The following MATR3 variants were observed in gnomAD, a reference collection of about 807,000 sequenced individuals.
MATR3 encodes the protein matrin 3, also known as matrin-3.
MATR3 carries 4 observed loss-of-function variants against 85.5 expected under a neutral mutation model. The ratio of observed to expected loss-of-function variants is 0.05; its 90% CI spans 0.02 to 0.11. The LOEUF is 0.11. MATR3 is among the 10% of genes least tolerant of loss of function. MATR3 has a pLI of 1.00. For missense variants in MATR3, 685 were observed against 1,016.1 expected (o/e 0.67, Z 4.43); for synonymous variants, 336 against 343.1 (o/e 0.98, Z 0.23).
At chr5:139,325,227 T>G (rs1026388249) in intron 12 of MATR3, 2 of 1,529,648 alleles carry the variant, frequency 1.3e-6, no homozygotes, top group East Asian at 4.9e-5. Context: ...TCCGTTTCCC[T>G]TCAAGTAAAG....
chr5:139,275,190 G>A (rs899640354), intron 1 of MATR3, among the ~76,000 whole-genome samples: 3 of 138,372 alleles, frequency 2.2e-5, no homozygotes, highest in African/African-American at 8.3e-5. Context: ...GTAGAGACGG[G>A]GTTTCACCGT....
intron 2 of MATR3, among the ~76,000 whole-genome samples, chr5:139,277,173 T>C (rs562304993): frequency 1.4e-5 from 2 of 147,716 alleles, no homozygotes; most frequent in Non-Finnish European, 3.1e-5. Flanking sequence ...AAAGTCTCAT[T>C]ATGTTGCCCA....
At chr5:139,315,334 G>A in intron 3 of MATR3, 1 of 248,826 alleles carries the variant, frequency 4.0e-6, no homozygotes, top group Non-Finnish European at 7.8e-6. Flanking sequence ...CAACTCAACT[G>A]TGCTCTTGGT....
Position 139,329,457 on chromosome 5 carries a change from C to G in MATR3, c.*62C>G, listed in dbSNP as rs747792040. On this transcript the variant is annotated 3_prime_UTR_variant, in exon 15 of 15. Transcript: ENST00000394805. ...ATGGTTCTTTGTTTTTAATGTTAACCTTTTTTAAATACAATACTGATAGTT... is the reference window on the plus strand; with the variant it reads ...ATGGTTCTTTGTTTTTAATGTTAACGTTTTTTAAATACAATACTGATAGTT... The G allele has an allele frequency of 7.4e-7, 1 of 1,359,206 alleles. No homozygotes were observed. The highest frequency in any genetic ancestry group is 1.0e-6 in the Non-Finnish European group (1 of 954,070). The allele number at this position is 1,359,206 out of a possible 1,614,324, so 84.2% of individuals were successfully genotyped here.
intron 2 of MATR3, chr5:139,278,776 A>C (rs1424803549): frequency 4.0e-6 from 2 of 501,156 alleles, no homozygotes; most frequent in South Asian, 2.8e-5. Flanking sequence ...CTGTTTCAGG[A>C]ATCATCCAGC....
intron 2 of MATR3, chr5:139,313,654 T>A (rs1328358088): frequency 1.3e-5 from 2 of 152,168 alleles, no homozygotes; most frequent in Admixed American, 1.3e-4. Flanking sequence ...GAGTAAATAG[T>A]GAAAGAATGT....
rs368483920 is a variant in MATR3, at chr5:139,293,756, C to T, written c.-227C>T. ...GGGGATTGTGGGAGTCTCCGCGTCC[C>T]GCTCGCTGGGAGAGAGGTACCTCTC... is the stretch of plus-strand genomic sequence containing the variant. On this transcript the variant is annotated 5_prime_UTR_variant, in exon 1 of 15. Transcript: ENST00000394805. 2 of 383,420 alleles carry T rather than the reference C, an allele frequency of 5.2e-6. No homozygotes were observed. Among genetic ancestry groups the T allele is most frequent in the Non-Finnish European group, 9.2e-6 (2 of 216,852 alleles). 23.8% of individuals were successfully genotyped at this position (383,420 alleles called of 1,614,324 possible). A position where few individuals can be genotyped will look rare whatever the true frequency, so the allele number is the denominator to read the frequency against.
chr5:139,277,876 C>A (rs1303701871), intron 2 of MATR3, among the ~76,000 whole-genome samples: 1 of 150,484 alleles, frequency 6.6e-6, no homozygotes, highest in Admixed American at 6.7e-5. Context: ...GTTAACACAT[C>A]TAGCACCTCA....
exon 1 of MATR3, chr5:139,274,148 C>T (rs1402186884): frequency 2.3e-6 from 1 of 431,578 alleles, no homozygotes. Flanking sequence ...CTGCGGAGCT[C>T]CGAACACGTG....
chr5:139,295,982 C>G (rs1160776992), intron 1 of MATR3, among the ~76,000 whole-genome samples: 1 of 152,146 alleles, frequency 6.6e-6, no homozygotes, highest in Non-Finnish European at 1.5e-5. Flanking sequence ...CGCCACCACA[C>G]CAAGCTAATT....
At chr5:139,306,720 G>T in intron 1 of MATR3, among the ~76,000 whole-genome samples, 1 of 151,956 alleles carries the variant, frequency 6.6e-6, no homozygotes, top group East Asian at 1.9e-4. Flanking sequence ...TATTATGTTT[G>T]GTCTTATATC....
chr5:139,283,201 G>A (rs1383920841), intron 3 of MATR3: 1 of 152,254 alleles, frequency 6.6e-6, no homozygotes, highest in Non-Finnish European at 1.5e-5. Context: ...AGAACTAAGG[G>A]TTCTGATGAG....
chr5:139,329,228 G>T (rs1756008288), intron 14 of MATR3, 117 bp from the exon 15 acceptor site: 1 of 747,236 alleles, frequency 1.3e-6, no homozygotes, highest in African/African-American at 1.8e-5. Flanking sequence ...TGAAAATATT[G>T]ACAAAATTAT....
At chr5:139,323,440 A>C (rs1260167615) in intron 12 of MATR3, among the ~76,000 whole-genome samples, 2 of 152,234 alleles carry the variant, frequency 1.3e-5, no homozygotes, top group East Asian at 3.8e-4. Context: ...AAACAATTTT[A>C]TTTGAACAAG....
chr5:139,318,658 G>A (rs1334516958), intron 7 of MATR3, among the ~76,000 whole-genome samples: 1 of 152,234 alleles, frequency 6.6e-6, no homozygotes, highest in Non-Finnish European at 1.5e-5. Context: ...GGTCGGCCAG[G>A]ATGGTCTTGA....
intron 8 of MATR3, 64 bp from the exon 9 acceptor site, chr5:139,319,266 AGGAT>A: frequency 6.8e-7 from 1 of 1,461,282 alleles, no homozygotes; most frequent in Non-Finnish European, 9.6e-7. Context: ...GGTAAAGACT[AGGAT>A]GTTTTTAACT....
In MATR3 at chr5:139,330,202, A is replaced by G. The variant is rs751390909; in HGVS notation, c.*807A>G. 2.0e-4 allele frequency: 91 copies of G among 454,340 alleles called. No individual in the cohort carries two copies. The Middle Eastern group carries it at 4.2e-3, about 21-fold the overall frequency. The allele number at this position is 454,340 out of a possible 1,614,324, so 28.1% of individuals were successfully genotyped here. On this transcript the variant is annotated 3_prime_UTR_variant, in exon 15 of 15. Coordinates refer to ENST00000394805, the MANE Select transcript of MATR3 (RefSeq NM_018834.6). Reference sequence around the variant, plus strand: ...CATCTCTTCATATTTTCAAGATGTAATTTTACATTTCTGCATTTTTAAAAC... The same window carrying G: ...CATCTCTTCATATTTTCAAGATGTAGTTTTACATTTCTGCATTTTTAAAAC...
In MATR3 at chr5:139,307,464, C is replaced by T; in HGVS notation, c.49C>T (p.His17Tyr). 6.2e-7 allele frequency: 1 copy of T among 1,614,044 alleles called. No individual in the cohort carries two copies. Among genetic ancestry groups the T allele is most frequent in the Non-Finnish European group, 8.5e-7 (1 of 1,180,008 alleles). ...QSSLSRDSQG[H>Y]GRDLSAAGIG... ...ATCTCTCAGTAGGGACTCACAGGGT[C>T]ATGGGCGTGACCTGTCTGCGGCAGG... The change falls in exon 2 of 15, where the codon CAT (histidine) becomes TAT (tyrosine). Residue 17 changes from histidine (H) to tyrosine (Y), a missense_variant. This residue lies in a region of MATR3 where 30 missense variants were observed against 69.5 expected (regional missense o/e 0.43). Transcript: ENST00000394805. This position sits in a 1 kb window ranked among gnomAD's most constrained non-coding sequence, Gnocchi z 4.4.
intron 1 of MATR3, chr5:139,295,023 G>A (rs1240260464): frequency 6.6e-6 from 1 of 152,124 alleles, no homozygotes; most frequent in Non-Finnish European, 1.5e-5. Flanking sequence ...TTTTGTATTG[G>A]TACTGCGTTC....
Sources: gnomAD v4.1 joint callset for allele counts (sites outside exome capture counted in the v4.1 genomes callset) on GRCh38, gnomAD v4.1.1 for gene constraint, gnomAD v4.1.1 regional missense constraint, Gnocchi (gnomAD v3.1) non-coding constraint, MANE v1.5 for transcripts, NCBI Gene and HGNC (gene_info 2026-07-23, HGNC 2026-07-21) for gene names.